The following YBX3 variants were observed in gnomAD, a reference collection of about 807,000 sequenced individuals.
YBX3 encodes the protein Y-box-binding protein 3.
YBX3 carries 29 observed loss-of-function variants against 42.4 expected under a neutral mutation model. The ratio of observed to expected loss-of-function variants is 0.68; its 90% CI spans 0.51 to 0.93. The LOEUF (loss-of-function observed/expected upper bound fraction) is 0.93, where lower values mean the gene tolerates loss of function less well. Among genes scored for constraint, YBX3 ranks in the 40% least tolerant of loss-of-function variants. YBX3 has a pLI of 0.00. For missense variants in YBX3, 517 were observed against 527.5 expected (o/e 0.98, Z 0.19); for synonymous variants, 195 against 189.8 (o/e 1.03, Z -0.22).
At chr12:10,718,295 C>T in intron 2 of YBX3, 174 bp from the exon 3 acceptor site, 1 of 511,820 alleles carries the variant, frequency 2.0e-6, no homozygotes. Context: ...TCTAACTCCA[C>T]AGGCCACCCA....
At chr12:10,699,958 C>T (rs1948061079) in intron 9 of YBX3, among the ~76,000 whole-genome samples, 1 of 152,046 alleles carries the variant, frequency 6.6e-6, no homozygotes, top group South Asian at 2.1e-4. Flanking sequence ...AGTGGCTGCA[C>T]CCTATCTCCT....
chr12:10,707,682 C>T (rs143378070), intron 6 of YBX3, among the ~76,000 whole-genome samples: 8 of 152,308 alleles, frequency 5.3e-5, no homozygotes, highest in Middle Eastern at 3.4e-3. Context: ...ACTGGCTTCT[C>T]ATCACATTTA....
intron 1 of YBX3, chr12:10,721,820 A>G (rs563119381): frequency 8.5e-5 from 13 of 152,352 alleles, no homozygotes; most frequent in South Asian, 8.3e-4. Context: ...GTTCCTGTTT[A>G]TAAGAGCGAA....
Position 10,723,176 on chromosome 12 carries a change from G to C in YBX3, c.-65C>G, listed in dbSNP as rs1203420661. 5.1e-6 allele frequency: 6 copies of C among 1,185,044 alleles called. No individual in the cohort carries two copies. In the African/African-American group the frequency reaches 6.4e-5, roughly 13 times the overall value. 73.4% of individuals were successfully genotyped at this position (1,185,044 alleles called of 1,614,324 possible). A position where few individuals can be genotyped will look rare whatever the true frequency, so the allele number is the denominator to read the frequency against. On this transcript the variant is annotated 5_prime_UTR_variant, in exon 1 of 10. Transcript: ENST00000228251. Reference sequence around the variant, plus strand: ...CGGTTGGTCGGCGGTTAGCGCGGCTGGTGGTCGCGGCGGCCGGGGCTCGCT... The same window carrying C: ...CGGTTGGTCGGCGGTTAGCGCGGCTCGTGGTCGCGGCGGCCGGGGCTCGCT...
At chr12:10,700,393 A>C (rs1948065378) in intron 9 of YBX3, among the ~76,000 whole-genome samples, 1 of 152,214 alleles carries the variant, frequency 6.6e-6, no homozygotes. Flanking sequence ...TCTCTTAACT[A>C]AAAGCTAATG....
intron 6 of YBX3, among the ~76,000 whole-genome samples, chr12:10,706,885 C>T (rs1948143175): frequency 2.6e-5 from 4 of 152,070 alleles, no homozygotes; most frequent in Admixed American, 6.5e-5. Context: ...GGCGTGGTGG[C>T]GGGTGCCTGT....
intron 5 of YBX3, chr12:10,712,919 C>T (rs183985972): frequency 1.8e-4 from 49 of 275,316 alleles, no homozygotes; most frequent in African/African-American, 1.0e-3. Context: ...AAAATTTCCC[C>T]TTAAGAGTAC....
In YBX3 at chr12:10,723,039, C is replaced by T; in HGVS notation, c.73G>A (p.Ala25Thr). The T allele has an allele frequency of 1.7e-6, 2 of 1,205,316 alleles. No homozygotes were observed. Among genetic ancestry groups the T allele is most frequent in the Non-Finnish European group, 2.1e-6 (2 of 972,472 alleles). 74.7% of individuals were successfully genotyped at this position (1,205,316 alleles called of 1,614,324 possible). Residue 25 changes from alanine to threonine, a missense_variant, in exon 1 of 10, where the codon GCG becomes ACG. Coordinates refer to ENST00000228251, the MANE Select transcript of YBX3 (RefSeq NM_003651.5). Reference sequence around the variant, plus strand: ...TTGGGCGCGGGGTCCTGGGGAGCCGCGGCGGCCGCCTCCGTCGGAGCCTGC... The same window carrying T: ...TTGGGCGCGGGGTCCTGGGGAGCCGTGGCGGCCGCCTCCGTCGGAGCCTGC... ...LPQAPTEAAAAAPQDPAPKSP... is the reference protein window; with the variant it reads ...LPQAPTEAAATAPQDPAPKSP...
intron 6 of YBX3, among the ~76,000 whole-genome samples, chr12:10,706,723 A>G (rs1247664019): frequency 6.6e-6 from 1 of 152,160 alleles, no homozygotes; most frequent in Admixed American, 6.5e-5. Context: ...ATCCTGTTTT[A>G]TAACTCCAAA....
chr12:10,722,992 C>T lies in YBX3; in HGVS notation c.120G>A (p.Ala40=). The change falls in exon 1 of 10, where the codon GCG becomes GCA. Residue 40 remains alanine (A), a synonymous_variant. Transcript: ENST00000228251. ...CGGGCGCCGGGGCCGCGGCCTGGGG[C>T]GCACCGCTGCCCACCGGGCTCTTGG... ...PAPKSPVGSG[A]PQAAAPAPAA... is the part of the protein sequence containing the mutation. 8.2e-7 allele frequency: 1 copy of T among 1,217,832 alleles called. No individual in the cohort carries two copies. 75.4% of individuals were successfully genotyped at this position (1,217,832 alleles called of 1,614,324 possible). A position where few individuals can be genotyped will look rare whatever the true frequency, so the allele number is the denominator to read the frequency against.
chr12:10,703,660 C>A, intron 7 of YBX3: 1 of 353,178 alleles, frequency 2.8e-6, no homozygotes, highest in South Asian at 2.3e-5. Flanking sequence ...TTGATCATAC[C>A]CTGATTTAAC....
intron 6 of YBX3, among the ~76,000 whole-genome samples, chr12:10,708,396 A>G (rs1336458888): frequency 1.3e-5 from 2 of 151,948 alleles, no homozygotes; most frequent in Non-Finnish European, 2.9e-5. Flanking sequence ...TTTATATTTG[A>G]TCTCAATAAT....
At chr12:10,718,297 G>A in intron 2 of YBX3, 176 bp from the exon 3 acceptor site, 1 of 507,720 alleles carries the variant, frequency 2.0e-6, no homozygotes, top group African/African-American at 2.0e-5. Flanking sequence ...TAACTCCACA[G>A]GCCACCCACC....
intron 1 of YBX3, among the ~76,000 whole-genome samples, chr12:10,722,649 G>A (rs570331359): frequency 1.3e-4 from 20 of 152,336 alleles, no homozygotes; most frequent in African/African-American, 4.1e-4. Flanking sequence ...GGCGCAGCGC[G>A]CTCACCTGGG....
chr12:10,717,796 TTTC>T (rs1276845496), intron 3 of YBX3: 4 of 242,856 alleles, frequency 1.6e-5, no homozygotes, highest in East Asian at 1.6e-4. Flanking sequence ...GAAACAGACT[TTTC>T]TTTTTTTTGC....
At chr12:10,701,225 A>C in intron 9 of YBX3, 29 bp downstream of exon 9, 1 of 763,690 alleles carries the variant, frequency 1.3e-6, no homozygotes, top group East Asian at 2.4e-5. Flanking sequence ...GAAAATACCA[A>C]CTCAAGACTG....
intron 6 of YBX3, 27 bp from the exon 7 acceptor site, chr12:10,704,175 G>A: frequency 6.3e-7 from 1 of 1,589,110 alleles, no homozygotes. Flanking sequence ...AGCTGACAGT[G>A]AGTGTCACAG....
At position 10,710,391 on chromosome 12, in the gene YBX3, G is replaced by C. The variant is rs1948187151; in HGVS notation, c.574-277C>G. The stretch of plus-strand genomic sequence containing the variant: ...TTTAATAGTCATCTCATTAGAACTC[G>C]TATCAGCTAACCAACCACCCGAAGA... On this transcript the variant is annotated intron_variant, in intron 5 of 9. Coordinates refer to ENST00000228251, the MANE Select transcript of YBX3 (RefSeq NM_003651.5). 5.2e-6 allele frequency: 7 copies of C among 1,347,826 alleles called. No homozygotes were observed. The South Asian group carries it at 9.3e-5, about 18-fold the overall frequency. The allele number at this position is 1,347,826 out of a possible 1,614,324, so 83.5% of individuals were successfully genotyped here. A position where few individuals can be genotyped will look rare whatever the true frequency, so the allele number is the denominator to read the frequency against.
chr12:10,723,208 G>C lies in YBX3; in HGVS notation c.-97C>G. On this transcript the variant is annotated 5_prime_UTR_variant, in exon 1 of 10. Coordinates refer to ENST00000228251, the MANE Select transcript of YBX3 (RefSeq NM_003651.5). ...GCGGCGGCCGGGGCTCGCTCTCGGGGAGGCCGGGGCGGATCTCGCGGCGCA... is the reference window on the plus strand; with the variant it reads ...GCGGCGGCCGGGGCTCGCTCTCGGGCAGGCCGGGGCGGATCTCGCGGCGCA... 1 of 1,173,824 alleles carries C rather than the reference G, an allele frequency of 8.5e-7. No individual in the cohort carries two copies. The highest frequency in any genetic ancestry group is 1.1e-6 in the Non-Finnish European group (1 of 951,070). The allele number at this position is 1,173,824 out of a possible 1,614,324, so 72.7% of individuals were successfully genotyped here. A position where few individuals can be genotyped will look rare whatever the true frequency, so the allele number is the denominator to read the frequency against.
Sources: gnomAD v4.1 joint callset for allele counts (sites outside exome capture counted in the v4.1 genomes callset) on GRCh38, gnomAD v4.1.1 for gene constraint, MANE v1.5 for transcripts, NCBI Gene and HGNC (gene_info 2026-07-23, HGNC 2026-07-21) for gene names.